KRT27: variants seen among roughly 807,000 people sequenced by gnomAD.
KRT27 encodes the protein keratin 27.
Under a neutral mutation model 45.3 loss-of-function variants are expected in KRT27, and 30 were observed. The ratio of observed to expected loss-of-function variants is 0.66; its 90% CI spans 0.50 to 0.90. The LOEUF (loss-of-function observed/expected upper bound fraction) is 0.90. Among genes scored for constraint, KRT27 ranks in the 40% least tolerant of loss-of-function variants. KRT27 has a pLI of 0.00. For missense variants in KRT27, 610 were observed against 564.3 expected (o/e 1.08, Z -0.82); for synonymous variants, 204 against 223.9 (o/e 0.91, Z 0.79).
chr17:40,781,252 T>G lies in KRT27; in HGVS notation c.463A>C (p.Ser155Arg). The change falls in exon 2 of 8, where the codon AGT becomes CGT. Residue 155 changes from serine (S) to arginine (R), a missense_variant. Coordinates refer to ENST00000301656, the MANE Select transcript of KRT27 (RefSeq NM_181537.4). ...LKNQIISATT[S>R]NAHVVLQNDN... ...TTTTGCAGGACAACATGGGCATTAC[T>G]GGTAGTTGCAGAAATTATCTGACAA... 6.2e-7 allele frequency: 1 copy of G among 1,608,040 alleles called. No individual in the cohort carries two copies. Among genetic ancestry groups the G allele is most frequent in the Non-Finnish European group, 8.5e-7 (1 of 1,175,386 alleles).
intron 7 of KRT27, 54 bp downstream of exon 7, chr17:40,777,199 T>A (rs1438197388): frequency 1.2e-6 from 2 of 1,610,476 alleles, no homozygotes; most frequent in South Asian, 2.2e-5. Flanking sequence ...AAATAAAACA[T>A]CATTTGAAAC....
At chr17:40,778,425 T>A (rs1220623805) in intron 5 of KRT27, among the ~76,000 whole-genome samples, 1 of 152,228 alleles carries the variant, frequency 6.6e-6, no homozygotes, top group African/African-American at 2.4e-5. Flanking sequence ...TCTGGTGGTT[T>A]ACTAGCCATA....
At position 40,777,026 on chromosome 17, in the gene KRT27, G is replaced by A. The variant is rs111955336; in HGVS notation, c.1353C>T (p.Asn451=). The change falls in exon 8 of 8, where the codon AAC becomes AAT. Residue 451 remains asparagine (N), a synonymous_variant. Coordinates refer to ENST00000301656, the MANE Select transcript of KRT27 (RefSeq NM_181537.4). ...AGGAAGACACCCTCTGTTCATTCTTGTTGTTGACTTTGGTGGATTTCTCTT... is the reference window on the plus strand; with the variant it reads ...AGGAAGACACCCTCTGTTCATTCTTATTGTTGACTTTGGTGGATTTCTCTT... The part of the protein sequence containing the change: ...TVEEKSTKVN[N]KNEQRVSS The A allele has an allele frequency of 2.3e-5, 37 of 1,613,546 alleles. No individual in the cohort carries two copies. The highest frequency in any genetic ancestry group is 2.3e-4 in the African/African-American group (17 of 75,032).
At chr17:40,779,086 C>T (rs2038287840) in intron 5 of KRT27, among the ~76,000 whole-genome samples, 1 of 152,022 alleles carries the variant, frequency 6.6e-6, no homozygotes, top group Non-Finnish European at 1.5e-5. Context: ...ACTGATTCTC[C>T]CTATTTCTCT....
rs574146167 is a variant in KRT27 at position 40,782,336 on chromosome 17, G to C, written c.158C>G (p.Ser53Ter). ...SGFSCAFGGSSSAGGYGGGLG... is the reference protein window; with the variant it reads ...SGFSCAFGGS ...ACCTCCGCCATAGCCTCCTGCAGAT[G>C]AGCTGCCCCCAAAAGCACAAGAGAA... Residue 53 changes from serine to a stop codon, truncating the protein, a stop_gained, in exon 1 of 8, where the codon TCA becomes TGA. Coordinates refer to ENST00000301656, the MANE Select transcript of KRT27 (RefSeq NM_181537.4). LOFTEE classifies it high-confidence loss of function. 1 of 1,614,166 alleles carries C rather than the reference G, an allele frequency of 6.2e-7. No individual in the cohort carries two copies. Among genetic ancestry groups the C allele is most frequent in the Non-Finnish European group, 8.5e-7 (1 of 1,180,042 alleles).
chr17:40,782,257 G>A lies in KRT27; in HGVS notation c.237C>T (p.Leu79=). The A allele has an allele frequency of 6.2e-7, 1 of 1,614,208 alleles. No individual in the cohort carries two copies. The highest frequency in any genetic ancestry group is 1.1e-5 in the South Asian group (1 of 91,080). Residue 79 remains leucine (L), a synonymous_variant, in exon 1 of 8, where the codon CTC becomes CTT. Transcript: ENST00000301656. ...TGGTCACCTTCTCATTGCCAGAGAGGAGGCCGTGCTCATTCCCTGTGAAGG... is the reference window on the plus strand; with the variant it reads ...TGGTCACCTTCTCATTGCCAGAGAGAAGGCCGTGCTCATTCCCTGTGAAGG... ...CAAFTGNEHG[L]LSGNEKVTMQ...
At chr17:40,777,931 G>A in intron 5 of KRT27, 199 bp from the exon 6 acceptor site, 1 of 618,674 alleles carries the variant, frequency 1.6e-6, no homozygotes, top group Non-Finnish European at 2.7e-6. Flanking sequence ...TGACACAGCT[G>A]GTGCTGAATG....
chr17:40,777,434 C>A (rs2038275315), intron 6 of KRT27, 81 bp downstream of exon 6: 1 of 1,552,866 alleles, frequency 6.4e-7, no homozygotes, highest in Non-Finnish European at 8.9e-7. Flanking sequence ...TGATCTAGAT[C>A]ATAGATATTT....
intron 3 of KRT27, among the ~76,000 whole-genome samples, 153 bp downstream of exon 3, chr17:40,780,143 AGAAT>A (rs1470182453): frequency 4.6e-5 from 7 of 152,246 alleles, no homozygotes; most frequent in Non-Finnish European, 1.0e-4. Flanking sequence ...TCTTTTGAGA[AGAAT>A]GAATAGAAGC....
intron 5 of KRT27, 135 bp downstream of exon 5, chr17:40,779,367 T>G: frequency 9.0e-7 from 1 of 1,111,744 alleles, no homozygotes; most frequent in South Asian, 1.9e-5. Flanking sequence ...ATGTGCAAAA[T>G]GCAAATATGT....
intron 1 of KRT27, among the ~76,000 whole-genome samples, 194 bp from the exon 2 acceptor site, chr17:40,781,464 C>T (rs573215076): frequency 1.0e-3 from 155 of 152,350 alleles, no homozygotes; most frequent in African/African-American, 3.6e-3. Flanking sequence ...GAGTCTCGCT[C>T]TGTTGCCCAG....
Position 40,777,065 on chromosome 17 carries a change from T to A in KRT27, c.1314A>T (p.Arg438Ser), listed in dbSNP as rs757029981. The A allele has an allele frequency of 6.2e-7, 1 of 1,614,086 alleles. No individual in the cohort carries two copies. Among genetic ancestry groups the A allele is most frequent in the Admixed American group, 1.7e-5 (1 of 60,032 alleles). Residue 438 changes from arginine to serine, a missense_variant, in exon 8 of 8, where the codon AGA becomes AGT. Transcript: ENST00000301656. ...TGGATTTCTCTTCCACAGTGTGAACTCTGGATGAGAGAACTTTGCCACGAG... is the reference window on the plus strand; with the variant it reads ...TGGATTTCTCTTCCACAGTGTGAACACTGGATGAGAGAACTTTGCCACGAG... ...IDPRGKVLSS[R>S]VHTVEEKSTK...
In KRT27 at chr17:40,779,572, C is replaced by A; in HGVS notation, c.902G>T (p.Arg301Leu). ...GCGTTTCATCTCGATAAGCTCATTC[C>A]GGGCTGAGGTGGTGGCGCCAGCGTC... ...SDDAGATTSA[R>L]NELIEMKRTL... The change falls in exon 5 of 8, where the codon CGG (arginine) becomes CTG (leucine). Residue 301 changes from arginine (R) to leucine (L), a missense_variant. Transcript: ENST00000301656. 1 of 1,614,220 alleles carries A rather than the reference C, an allele frequency of 6.2e-7. No individual in the cohort carries two copies.
intron 1 of KRT27, 46 bp from the exon 2 acceptor site, chr17:40,781,316 CATTT>C: frequency 8.9e-7 from 1 of 1,119,400 alleles, no homozygotes; most frequent in Non-Finnish European, 1.3e-6. Context: ...ATTTAAGATG[CATTT>C]CAAAGTTCCT....
At chr17:40,781,931 T>A in intron 1 of KRT27, 119 bp downstream of exon 1, 2 of 742,580 alleles carry the variant, frequency 2.7e-6, no homozygotes, top group South Asian at 4.0e-5. Flanking sequence ...GAAAATGAAC[T>A]CCTAAAATTT....
rs745365036 is a variant in KRT27, at chr17:40,782,453, G to A, written c.41C>T (p.Ser14Phe). ...CCTCACAGAGCCAGTGCCCCCGCAA[G>A]AGCCAAGTCTCCTGGAGGTAGAAGA... ...RFSSTSRRLGSCGGTGSVRLS... is the reference protein window; with the variant it reads ...RFSSTSRRLGFCGGTGSVRLS... Residue 14 changes from serine (S) to phenylalanine (F), a missense_variant, in exon 1 of 8, where the codon TCT becomes TTT. Transcript: ENST00000301656. The A allele has an allele frequency of 2.3e-5, 37 of 1,602,562 alleles. 1 individual carries two copies. The highest frequency in any genetic ancestry group is 3.0e-5 in the Non-Finnish European group (35 of 1,174,514).
At chr17:40,779,412 TA>T in intron 5 of KRT27, 89 bp downstream of exon 5, 3 of 1,482,342 alleles carry the variant, frequency 2.0e-6, no homozygotes, top group Non-Finnish European at 2.7e-6. Context: ...GGTTAAAAAC[TA>T]AAATATGTAA....
intron 2 of KRT27, 78 bp downstream of exon 2, chr17:40,781,110 G>C (rs1311606726): frequency 9.4e-6 from 8 of 853,562 alleles, no homozygotes; most frequent in Middle Eastern, 3.4e-4. Context: ...TTGAGACAAC[G>C]TCAAATAACT....
rs2038295848 is a variant in KRT27 at position 40,779,838 on chromosome 17, C to T, written c.708G>A (p.Ala236=). ...HEEEMKALQC[A]AGGNVNVEMN... ...TCTCCACGTTCACGTTGCCTCCAGC[C>T]GCGCACTGAAGAGCTTTCATTTCCT... is the stretch of plus-strand genomic sequence containing the variant. The change falls in exon 4 of 8, where the codon GCG becomes GCA. Residue 236 remains alanine, a synonymous_variant. Coordinates refer to ENST00000301656, the MANE Select transcript of KRT27 (RefSeq NM_181537.4). 1 of 1,611,304 alleles carries T rather than the reference C, an allele frequency of 6.2e-7. No individual in the cohort carries two copies. Among genetic ancestry groups the T allele is most frequent in the Admixed American group, 1.7e-5 (1 of 58,888 alleles).
Sources: allele counts gnomAD v4.1 joint callset (sites outside exome capture counted in the v4.1 genomes callset), GRCh38; gene constraint gnomAD v4.1.1; transcripts MANE v1.5; gene names NCBI Gene and HGNC (gene_info 2026-07-23, HGNC 2026-07-21).